HDAC4: variants seen among roughly 807,000 people sequenced by gnomAD.
HDAC4 encodes the protein histone deacetylase A.
HDAC4 carries 16 observed loss-of-function variants against 135.1 expected under a neutral mutation model. That is an observed-to-expected ratio of 0.12 (90% CI 0.08 to 0.18). The LOEUF (loss-of-function observed/expected upper bound fraction) is 0.18, where lower values mean the gene tolerates loss of function less well. HDAC4 is among the 10% of genes least tolerant of loss of function. The pLI is 1.00. For missense variants in HDAC4, 1,143 were observed against 1,511.8 expected (o/e 0.76, Z 4.05); for synonymous variants, 685 against 653.4 (o/e 1.05, Z -0.74).
intron 2 of HDAC4, among the ~76,000 whole-genome samples, chr2:239,275,882 G>A (rs75828885): frequency 1.3e-3 from 204 of 152,296 alleles, no homozygotes; most frequent in African/African-American, 4.7e-3. Context: ...GGTATGGGGC[G>A]GAGAAGATGA....
intron 6 of HDAC4, among the ~76,000 whole-genome samples, chr2:239,160,245 G>A (rs539860205): frequency 5.9e-5 from 9 of 152,252 alleles, no homozygotes; most frequent in East Asian, 1.9e-4. Context: ...ACTTATAATC[G>A]ATATAAACAT....
At chr2:239,108,288 A>G in intron 14 of HDAC4, 105 bp from the exon 15 acceptor site, 1 of 1,348,360 alleles carries the variant, frequency 7.4e-7, no homozygotes. Flanking sequence ...CTTCCCTAGA[A>G]GGAGACGGAA....
Position 239,377,677 on chromosome 2 carries a change from G to A in HDAC4, c.-220+23301C>T, listed in dbSNP as rs905532711. Reference sequence around the variant, plus strand: ...GTCTCACCACTGGCTTCTCACAAGGGGCAGGGCTGACAGCTCATCTGGCTG... The same window carrying A: ...GTCTCACCACTGGCTTCTCACAAGGAGCAGGGCTGACAGCTCATCTGGCTG... On this transcript the variant is annotated intron_variant, in intron 1 of 26. Transcript: ENST00000543185. Among the ~76,000 whole-genome samples the A allele has an allele frequency of 9.9e-5, 15 of 152,216 alleles. No individual in the cohort carries two copies. In the South Asian group the frequency reaches 2.1e-3, roughly 21 times the overall value.
chr2:239,280,696 G>GGCA lies in HDAC4; in HGVS notation c.23-44033_23-44032insTGC, dbSNP rs566765357. The stretch of plus-strand genomic sequence containing the variant: ...ATCCTGGAACTGTCTGCTGTTAACA[G>GGCA]GGGATGGCAAACTCCATCCAAGTCT... On this transcript the variant is annotated intron_variant, in intron 2 of 26. Coordinates refer to ENST00000543185, the MANE Select transcript of HDAC4 (RefSeq NM_001378414.1). 3.1e-4 allele frequency among the ~76,000 whole-genome samples: 47 copies of GGCA among 152,234 alleles called. No homozygotes were observed. In the East Asian group the frequency reaches 8.7e-3, roughly 28 times the overall value.
intron 9 of HDAC4, among the ~76,000 whole-genome samples, chr2:239,138,463 A>G (rs1462239452): frequency 6.6e-6 from 1 of 152,264 alleles, no homozygotes; most frequent in East Asian, 1.9e-4. Context: ...AGGAAAGTCA[A>G]TAACTATATT....
chr2:239,370,796 C>T (rs1694553504), intron 1 of HDAC4, among the ~76,000 whole-genome samples: 2 of 152,230 alleles, frequency 1.3e-5, no homozygotes, highest in African/African-American at 4.8e-5. Flanking sequence ...CAGCTCATCC[C>T]CGCATCATGC....
At position 239,275,387 on chromosome 2, in the gene HDAC4, C is replaced by G. The variant is rs893636632; in HGVS notation, c.23-38723G>C. Among the ~76,000 whole-genome samples the G allele has an allele frequency of 3.2e-4, 49 of 152,354 alleles. 1 individual carries two copies. The highest frequency in any genetic ancestry group is 9.1e-4 in the African/African-American group (38 of 41,578). On this transcript the variant is annotated intron_variant, in intron 2 of 26. Transcript: ENST00000543185. ...TCCAAGCACAGGGCTCACCCAGAAACGGCAGGAGCCCAGACTTGCTGATTC... is the reference window on the plus strand; with the variant it reads ...TCCAAGCACAGGGCTCACCCAGAAAGGGCAGGAGCCCAGACTTGCTGATTC...
At position 239,115,035 on chromosome 2, in the gene HDAC4, C is replaced by T. The variant is rs765984730; in HGVS notation, c.1791+18G>A. 6.2e-7 allele frequency: 1 copy of T among 1,607,610 alleles called. No homozygotes were observed. The highest frequency in any genetic ancestry group is 1.1e-5 in the South Asian group (1 of 91,062). ...CTGTGCGTGCCAGCCTTCTGGTGCC[C>T]TCCCCGCCTGCGGTCACCTGTCTGA... On this transcript the variant is annotated intron_variant, in intron 13 of 26. Coordinates refer to ENST00000543185, the MANE Select transcript of HDAC4 (RefSeq NM_001378414.1). This position sits in a 1 kb window ranked among gnomAD's most constrained non-coding sequence, Gnocchi z 6.3.
chr2:239,151,533 G>A (rs1443882514), intron 7 of HDAC4, among the ~76,000 whole-genome samples: 1 of 152,242 alleles, frequency 6.6e-6, no homozygotes, highest in Non-Finnish European at 1.5e-5. Context: ...GGCAGAGCTA[G>A]ATGAACACTT....
chr2:239,176,878 A>G (rs2043810105), intron 4 of HDAC4, among the ~76,000 whole-genome samples: 1 of 152,252 alleles, frequency 6.6e-6, no homozygotes, highest in Non-Finnish European at 1.5e-5. Context: ...ACACAAAGAC[A>G]GTGAAGAGAG....
At position 239,344,665 on chromosome 2, in the gene HDAC4, G is replaced by A. The variant is rs147366752; in HGVS notation, c.22+8013C>T. ...TAGTGACAATCTGAGAGCTGCAGACGCCCCGTGCCGGGTGGCTGGGAGGAT... is the reference window on the plus strand; with the variant it reads ...TAGTGACAATCTGAGAGCTGCAGACACCCCGTGCCGGGTGGCTGGGAGGAT... On this transcript the variant is annotated intron_variant, in intron 2 of 26. Coordinates refer to ENST00000543185, the MANE Select transcript of HDAC4 (RefSeq NM_001378414.1). Among the ~76,000 whole-genome samples the A allele has an allele frequency of 3.2e-3, 486 of 152,170 alleles. 2 individuals carry two copies. Among genetic ancestry groups the A allele is most frequent in the Middle Eastern group, 0.024 (7 of 294 alleles).
At chr2:239,179,264 A>G (rs972641188) in intron 4 of HDAC4, among the ~76,000 whole-genome samples, 3 of 152,178 alleles carry the variant, frequency 2.0e-5, no homozygotes, top group Non-Finnish European at 2.9e-5. Flanking sequence ...GTATTCTTCA[A>G]TCCCTCTACG....
intron 2 of HDAC4, among the ~76,000 whole-genome samples, chr2:239,328,046 G>C (rs183886991): frequency 1.3e-5 from 2 of 152,286 alleles, no homozygotes; most frequent in African/African-American, 4.8e-5. Context: ...ACTGGTCCCC[G>C]CCCTGAGCAA....
At chr2:239,176,662 C>T (rs1191316613) in intron 4 of HDAC4, 99 bp from the exon 5 acceptor site, 1 of 1,142,628 alleles carries the variant, frequency 8.8e-7, no homozygotes, top group African/African-American at 1.5e-5. Flanking sequence ...CCCTACACGT[C>T]TGCCCTGGTG....
intron 1 of HDAC4, among the ~76,000 whole-genome samples, chr2:239,382,052 C>T (rs1695456540): frequency 6.6e-6 from 1 of 152,236 alleles, no homozygotes; most frequent in Non-Finnish European, 1.5e-5. Context: ...CTCCCTAGGG[C>T]CAAGGGCTCT....
intron 2 of HDAC4, among the ~76,000 whole-genome samples, chr2:239,253,058 A>G (rs4852035): frequency 0.31 from 47,447 of 152,104 alleles, 8,444 homozygotes; most frequent in African/African-American, 0.47. Flanking sequence ...ACACATTCCC[A>G]TCACACTTCA....
In HDAC4 at chr2:239,331,970, G is replaced by A. The variant is rs886544191; in HGVS notation, c.22+20708C>T. 1.3e-5 allele frequency among the ~76,000 whole-genome samples: 2 copies of A among 152,114 alleles called. No homozygotes were observed. The highest frequency in any genetic ancestry group is 2.4e-5 in the African/African-American group (1 of 41,418). ...TCCTCACAGAATCCGCAGCTTGAGC[G>A]TAAGAAGGGATACAAGAGGGAAAGG... On this transcript the variant is annotated intron_variant, in intron 2 of 26. Coordinates refer to ENST00000543185, the MANE Select transcript of HDAC4 (RefSeq NM_001378414.1). This position sits in a 1 kb window ranked among gnomAD's most constrained non-coding sequence, Gnocchi z 4.5.
chr2:239,315,755 T>G (rs1221753587), intron 2 of HDAC4, among the ~76,000 whole-genome samples: 1 of 151,988 alleles, frequency 6.6e-6, no homozygotes, highest in African/African-American at 2.4e-5. Context: ...AAGGGTAAAC[T>G]CCAAACGAAT....
chr2:239,124,393 T>A (rs1372594270), intron 12 of HDAC4, among the ~76,000 whole-genome samples: 1 of 152,260 alleles, frequency 6.6e-6, no homozygotes, highest in African/African-American at 2.4e-5. Flanking sequence ...GTGCATGAAA[T>A]CATACCACAC....
Sources: allele counts gnomAD v4.1 joint callset (sites outside exome capture counted in the v4.1 genomes callset), GRCh38; gene constraint gnomAD v4.1.1; non-coding constraint Gnocchi (gnomAD v3.1); transcripts MANE v1.5; gene names NCBI Gene and HGNC (gene_info 2026-07-23, HGNC 2026-07-21).